The following TOX4 variants were observed in gnomAD, a reference collection of about 807,000 sequenced individuals.
The protein encoded by TOX4 is epidermal Langerhans cell protein LCP1.
In TOX4, 12 loss-of-function variants were observed where a neutral mutation model predicts 61.0. The ratio of observed to expected loss-of-function variants is 0.20; its 90% CI spans 0.13 to 0.32. TOX4 has a LOEUF of 0.32. Ranked by LOEUF, TOX4 falls within the 10% of genes least tolerant of loss-of-function variation. The pLI is 1.00. For missense variants in TOX4, 499 were observed against 753.3 expected, an observed-to-expected ratio of 0.66 and a Z score of 3.95; for synonymous variants, 268 against 274.8, an observed-to-expected ratio of 0.98 and a Z score of 0.24.
Position 21,493,124 on chromosome 14 carries a change from T to C in TOX4, c.1508T>C (p.Met503Thr), listed in dbSNP as rs779907191. 1.2e-6 allele frequency: 2 copies of C among 1,613,778 alleles called. No individual in the cohort carries two copies. The highest frequency in any genetic ancestry group is 4.5e-5 in the East Asian group (2 of 44,856). The change falls in exon 7 of 9, where the codon ATG becomes ACG. Residue 503 changes from methionine to threonine, a missense_variant. Met to Thr is a moderately conservative substitution (Grantham distance 81, BLOSUM62 -1). This residue lies in a region of TOX4 where 296 missense variants were observed against 404.7 expected (regional missense o/e 0.73). Transcript: ENST00000448790. ...AGTGTGCCTCTACCCACTTTGAAAA[T>C]GCAGACTACCTTAGTCCCACCAACT... ...IKSVPLPTLK[M>T]QTTLVPPTVE...
rs1260481237 is a variant in TOX4, at chr14:21,487,462, A to G, written c.87A>G (p.Thr29=). The G allele has an allele frequency of 1.2e-6, 2 of 1,613,468 alleles. No homozygotes were observed. Among genetic ancestry groups the G allele is most frequent in the Non-Finnish European group, 1.7e-6 (2 of 1,179,734 alleles). ...PFLSGAETFH[T]PSLGDEEFEI... ...TTTTTCCCCTACAGACATTCCATAC[A>G]CCAAGCTTGGGTGATGAGGAATTTG... Residue 29 remains threonine, a synonymous_variant, in exon 3 of 9, where the codon ACA becomes ACG. Transcript: ENST00000448790.
rs765329746 is a variant in TOX4 at position 21,488,823 on chromosome 14, C to G, written c.552C>G (p.His184Gln). The G allele has an allele frequency of 6.2e-7, 1 of 1,614,168 alleles. No homozygotes were observed. Among genetic ancestry groups the G allele is most frequent in the South Asian group, 1.1e-5 (1 of 91,078 alleles). The change falls in exon 4 of 9, where the codon CAC becomes CAG. Residue 184 changes from histidine to glutamine, a missense_variant. Around this residue, in one of 7 missense-constraint regions of TOX4, gnomAD observed 61 missense variants for 76.1 expected, o/e 0.80. Coordinates refer to ENST00000448790, the MANE Select transcript of TOX4 (RefSeq NM_014828.4). ...CCCCTTCACCTACTAGTTCACTTCACGAGGATGGTGTTGAGGATTTCCGGA... is the reference window on the plus strand; with the variant it reads ...CCCCTTCACCTACTAGTTCACTTCAGGAGGATGGTGTTGAGGATTTCCGGA... The part of the protein sequence containing the change: ...STTPSPTSSL[H>Q]EDGVEDFRRQ...
chr14:21,479,354 T>TA (rs1401311862), intron 2 of TOX4, among the ~76,000 whole-genome samples: 37 of 150,650 alleles, frequency 2.5e-4, no homozygotes, highest in Middle Eastern at 3.2e-3. Flanking sequence ...TAATTAATTT[T>TA]AAAAAAACAG....
rs746878564 is a variant in TOX4, at chr14:21,487,587, G to A, written c.212G>A (p.Gly71Asp). 1 of 1,614,106 alleles carries A rather than the reference G, an allele frequency of 6.2e-7. No homozygotes were observed. Among genetic ancestry groups the A allele is most frequent in the East Asian group, 2.2e-5 (1 of 44,868 alleles). The change falls in exon 3 of 9, where the codon GGC (glycine) becomes GAC (aspartate). Residue 71 changes from glycine (G) to aspartate (D), a missense_variant. This residue lies in a region of TOX4 where 90 missense variants were observed against 109.5 expected (regional missense o/e 0.82). Coordinates refer to ENST00000448790, the MANE Select transcript of TOX4 (RefSeq NM_014828.4). ...DLADPSSSQDGSFSAQYGVQT... is the reference protein window; with the variant it reads ...DLADPSSSQDDSFSAQYGVQT... ...GCAGACCCTTCCTCTTCACAGGATG[G>A]CAGTTTTTCAGCCCAGTATGGGGTC...
At chr14:21,488,952 T>C in intron 4 of TOX4, 102 bp downstream of exon 4, 2 of 1,499,770 alleles carry the variant, frequency 1.3e-6, no homozygotes, top group Middle Eastern at 3.5e-4. Flanking sequence ...CCGTGCCATC[T>C]CCTCTGCTGT....
At position 21,493,290 on chromosome 14, in the gene TOX4, G is replaced by T. The variant is rs756133660; in HGVS notation, c.1641+33G>T. ...TTTGTTTTTAAGTCTTTAGTCTAGT[G>T]GAAATGTATAAAAATGTTTTTGGTT... On this transcript the variant is annotated intron_variant, in intron 7 of 8. Transcript: ENST00000448790. The T allele has an allele frequency of 1.1e-5, 17 of 1,555,538 alleles. No individual in the cohort carries two copies. The East Asian group carries it at 3.8e-4, about 35-fold the overall frequency.
intron 3 of TOX4, 102 bp downstream of exon 3, chr14:21,487,795 C>T: frequency 7.4e-7 from 1 of 1,352,738 alleles, no homozygotes; most frequent in Non-Finnish European, 9.7e-7. Flanking sequence ...TTACTTGTTT[C>T]TCTTCTTGTG....
chr14:21,482,542 C>G (rs902210312), intron 2 of TOX4: 4 of 465,646 alleles, frequency 8.6e-6, no homozygotes, highest in African/African-American at 8.0e-5. Flanking sequence ...AACTGTAATT[C>G]CCAAACCAGC....
rs375925438 is a variant in TOX4 at position 21,489,449 on chromosome 14, T to TAA, written c.810+48_810+49dup. On this transcript the variant is annotated intron_variant, in intron 5 of 8. Transcript: ENST00000448790. ...TAGTAGTGAATGTTCCAGAAGTTTT[T>TAA]AAAGAGATAAAAATTGAGGTTTTCT... 8 of 1,527,144 alleles carry TAA rather than the reference T, an allele frequency of 5.2e-6. No homozygotes were observed. The African/African-American group carries it at 7.0e-5, about 13-fold the overall frequency. 94.6% of individuals were successfully genotyped at this position (1,527,144 alleles called of 1,614,324 possible).
At chr14:21,494,300 A>T (rs1263788) in intron 7 of TOX4, among the ~76,000 whole-genome samples, 2 of 152,162 alleles carry the variant, frequency 1.3e-5, no homozygotes, top group African/African-American at 4.8e-5. Context: ...TCATACCGTT[A>T]TTTTTTAAAA....
At chr14:21,490,397 C>A (rs1378699522) in intron 5 of TOX4, among the ~76,000 whole-genome samples, 1 of 151,894 alleles carries the variant, frequency 6.6e-6, no homozygotes, top group East Asian at 1.9e-4. Context: ...ATTGCTTGAA[C>A]CCGGGAGGCA....
In TOX4 at chr14:21,496,658, A is replaced by G. The variant is rs1379684953; in HGVS notation, c.*52A>G. On this transcript the variant is annotated 3_prime_UTR_variant, in exon 9 of 9. Coordinates refer to ENST00000448790, the MANE Select transcript of TOX4 (RefSeq NM_014828.4). Reference sequence around the variant, plus strand: ...GAGTTATCTGCTGGGAAAGTGTCCAAGAGCCTGTTTTTGAAACACAAGCTG... The same window carrying G: ...GAGTTATCTGCTGGGAAAGTGTCCAGGAGCCTGTTTTTGAAACACAAGCTG... 1.3e-6 allele frequency: 2 copies of G among 1,548,354 alleles called. No homozygotes were observed. The highest frequency in any genetic ancestry group is 1.7e-5 in the Admixed American group (1 of 58,868).
rs1594430980 is a variant in TOX4 at position 21,492,525 on chromosome 14, G to A, written c.909G>A (p.Val303=). ...NQECQATVET[V]ELDPAPPSQT... ...TCTTTTAGGCCACTGTGGAAACAGT[G>A]GAATTGGATCCAGCACCACCATCAC... Residue 303 remains valine, a synonymous_variant, in exon 7 of 9, where the codon GTG becomes GTA. Coordinates refer to ENST00000448790, the MANE Select transcript of TOX4 (RefSeq NM_014828.4). The A allele has an allele frequency of 1.9e-6, 3 of 1,613,858 alleles. No individual in the cohort carries two copies. In the East Asian group the frequency reaches 6.7e-5, roughly 36 times the overall value.
At chr14:21,492,265 TG>T (rs59860769) in intron 5 of TOX4, 30 bp from the exon 6 acceptor site, 321,830 of 1,483,210 alleles carry the variant, frequency 0.22, 10,745 homozygotes, top group Middle Eastern at 0.29. Flanking sequence ...TGGGGAGTTT[TG>T]TTTTTTTTTT....
At position 21,498,549 on chromosome 14, in the gene TOX4, C is replaced by T; in HGVS notation, c.*1943C>T. ...TACTAGTTCAGAATTGGCATAGATT[C>T]TGGTGTTAAAATAGACTGGATCTGT... On this transcript the variant is annotated 3_prime_UTR_variant, in exon 9 of 9. Coordinates refer to ENST00000448790, the MANE Select transcript of TOX4 (RefSeq NM_014828.4). The T allele has an allele frequency of 1.6e-6, 1 of 633,906 alleles. No individual in the cohort carries two copies. Among genetic ancestry groups the T allele is most frequent in the Non-Finnish European group, 2.7e-6 (1 of 371,208 alleles). The allele number at this position is 633,906 out of a possible 1,614,324, so 39.3% of individuals were successfully genotyped here.
At chr14:21,479,694 C>G (rs181619027) in intron 2 of TOX4, among the ~76,000 whole-genome samples, 18 of 151,960 alleles carry the variant, frequency 1.2e-4, no homozygotes, top group Admixed American at 9.8e-4. Context: ...GCTTTGCACT[C>G]TTAGTTGCCA....
At position 21,493,227 on chromosome 14, in the gene TOX4, C is replaced by T. The variant is rs185026268; in HGVS notation, c.1611C>T (p.Ile537=). 23 of 1,613,134 alleles carry T rather than the reference C, an allele frequency of 1.4e-5. No individual in the cohort carries two copies. In the African/African-American group the frequency reaches 1.9e-4, roughly 13 times the overall value. The change falls in exon 7 of 9, where the codon ATC becomes ATT. Residue 537 remains isoleucine (I), a synonymous_variant. Transcript: ENST00000448790. ...HTVEAPSPET[I]CEMITDVVPE... The stretch of plus-strand genomic sequence containing the variant: ...TGGAGGCACCTTCTCCTGAGACTAT[C>T]TGTGAGATGATCACAGATGTAGTTC...
At chr14:21,488,970 G>A in intron 4 of TOX4, 120 bp downstream of exon 4, 1 of 1,426,788 alleles carries the variant, frequency 7.0e-7, no homozygotes, top group Non-Finnish European at 9.5e-7. Context: ...TGTTTTCTGG[G>A]TATGGGGTTC....
intron 7 of TOX4, among the ~76,000 whole-genome samples, chr14:21,494,473 A>G (rs972367315): frequency 7.3e-5 from 11 of 150,036 alleles, no homozygotes; most frequent in Admixed American, 4.0e-4. Context: ...TGGGGCTGGA[A>G]GCGGTGGCTC....
Sources: gnomAD v4.1 joint callset for allele counts (sites outside exome capture counted in the v4.1 genomes callset) on GRCh38, gnomAD v4.1.1 for gene constraint, gnomAD v4.1.1 regional missense constraint, MANE v1.5 for transcripts, NCBI Gene and HGNC (gene_info 2026-07-23, HGNC 2026-07-21) for gene names.